Variants in PDK1 observed in about 807,000 individuals in gnomAD.
PDK1 encodes the protein pyruvate dehydrogenase kinase 1, also known as [Pyruvate dehydrogenase (acetyl-transferring)] kinase isozyme 1, mitochondrial.
Under a neutral mutation model 54.2 loss-of-function variants are expected in PDK1, and 39 were observed. The ratio of observed to expected loss-of-function variants is 0.72; its 90% CI spans 0.56 to 0.94. The LOEUF (loss-of-function observed/expected upper bound fraction) is 0.94, where lower values mean the gene tolerates loss of function less well. Ranked by LOEUF, PDK1 falls within the 40% of genes least tolerant of loss-of-function variation. PDK1 has a pLI of 0.00. For missense variants in PDK1, 552 were observed against 566.0 expected, an observed-to-expected ratio of 0.98 and a Z score of 0.25; for synonymous variants, 221 against 207.1, an observed-to-expected ratio of 1.07 and a Z score of -0.58.
At chr2:172,587,041 C>G (rs567021562) in intron 9 of PDK1, among the ~76,000 whole-genome samples, 1 of 152,254 alleles carries the variant, frequency 6.6e-6, no homozygotes, top group African/African-American at 2.4e-5. Context: ...TCTGACATTT[C>G]CAGTAGAGTT....
rs942528226 is a variant in PDK1, at chr2:172,565,746, T to C, written c.691+673T>C. Reference sequence around the variant, plus strand: ...ACCACTTGTACACATACACAATTGATGTTGGTCTTACATTGTTGTTTTTAG... The same window carrying C: ...ACCACTTGTACACATACACAATTGACGTTGGTCTTACATTGTTGTTTTTAG... On this transcript the variant is annotated intron_variant, in intron 5 of 10. Coordinates refer to ENST00000282077, the MANE Select transcript of PDK1 (RefSeq NM_002610.5). Among the ~76,000 whole-genome samples the C allele has an allele frequency of 5.3e-5, 8 of 152,248 alleles. 1 individual carries two copies. Among genetic ancestry groups the C allele is most frequent in the African/African-American group, 1.9e-4 (8 of 41,472 alleles).
chr2:172,556,238 T>C lies in PDK1; in HGVS notation c.88T>C (p.Ser30Pro), dbSNP rs2149169325. ...RAAGFSRSFS[S>P]DSGSSPASER... ...CGCCGGCTTCAGCCGCAGCTTCAGC[T>C]CGGACTCGGGCTCCAGCCCGGCGTC... Residue 30 changes from serine (S) to proline (P), a missense_variant, in exon 1 of 11, where the codon TCG (serine) becomes CCG (proline). Coordinates refer to ENST00000282077, the MANE Select transcript of PDK1 (RefSeq NM_002610.5). 1 of 1,460,000 alleles carries C rather than the reference T, an allele frequency of 6.8e-7. No individual in the cohort carries two copies. Among genetic ancestry groups the C allele is most frequent in the Non-Finnish European group, 9.0e-7 (1 of 1,112,734 alleles). The allele number at this position is 1,460,000 out of a possible 1,614,324, so 90.4% of individuals were successfully genotyped here.
chr2:172,671,982 T>C, the PDK1 span, among the ~76,000 whole-genome samples: 1 of 152,196 alleles, frequency 6.6e-6, no homozygotes, highest in Non-Finnish European at 1.5e-5. Flanking sequence ...GAAAGTCAGC[T>C]GCCGTTTTTC....
At chr2:172,655,348 T>C in the PDK1 span, among the ~76,000 whole-genome samples, 1 of 56,922 alleles carries the variant, frequency 1.8e-5, no homozygotes, top group South Asian at 4.1e-4. Context: ...GAACAAATCG[T>C]GGTTTTTATC....
chr2:172,556,118 G>A lies in PDK1; in HGVS notation c.-33G>A, dbSNP rs777293458. 89 of 1,363,372 alleles carry A rather than the reference G, an allele frequency of 6.5e-5. 1 individual carries two copies. The highest frequency in any genetic ancestry group is 5.1e-4 in the South Asian group (30 of 58,802). 84.5% of individuals were successfully genotyped at this position (1,363,372 alleles called of 1,614,324 possible). ...CGGCAGAGGCGCGGGGAAACCTGGCGTACTGGCTGTGGCTTCTCTAGCGGG... is the reference window on the plus strand; with the variant it reads ...CGGCAGAGGCGCGGGGAAACCTGGCATACTGGCTGTGGCTTCTCTAGCGGG... On this transcript the variant is annotated 5_prime_UTR_variant, in exon 1 of 11. Coordinates refer to ENST00000282077, the MANE Select transcript of PDK1 (RefSeq NM_002610.5).
At chr2:172,689,606 A>G in the PDK1 span, among the ~76,000 whole-genome samples, 1 of 152,210 alleles carries the variant, frequency 6.6e-6, no homozygotes, top group Non-Finnish European at 1.5e-5. Context: ...ACTACACTAC[A>G]AGGCCACAGT....
intron 6 of PDK1, 40 bp downstream of exon 6, chr2:172,566,973 T>C (rs1347103815): frequency 1.6e-6 from 2 of 1,287,294 alleles, no homozygotes; most frequent in Non-Finnish European, 2.2e-6. Context: ...ATTAGTGCTT[T>C]GATTACTTGA....
In PDK1 at chr2:172,604,087, G is replaced by A. The variant is rs547334003; in HGVS notation, c.*8118G>A. 1.3e-5 allele frequency: 2 copies of A among 151,942 alleles called. No individual in the cohort carries two copies. The highest frequency in any genetic ancestry group is 4.8e-5 in the African/African-American group (2 of 41,366). 9.4% of individuals were successfully genotyped at this position (151,942 alleles called of 1,614,324 possible). A position where few individuals can be genotyped will look rare whatever the true frequency, so the allele number is the denominator to read the frequency against. ...ATGAACATGGCGTATATCTTTTTTG[G>A]CGGGGGGTGAGGACAGAGTCTTGCT... On this transcript the variant is annotated 3_prime_UTR_variant, in exon 11 of 11. Transcript: ENST00000282077.
the PDK1 span, among the ~76,000 whole-genome samples, chr2:172,717,249 T>C: frequency 1.3e-5 from 2 of 152,166 alleles, no homozygotes; most frequent in Non-Finnish European, 2.9e-5. Context: ...CCTGTGTGCA[T>C]GTGAGTGAAG....
chr2:172,637,770 A>T, the PDK1 span, among the ~76,000 whole-genome samples: 1 of 152,076 alleles, frequency 6.6e-6, no homozygotes, highest in Non-Finnish European at 1.5e-5. Context: ...ATCTTGGCTC[A>T]CTGCAACCTC....
At chr2:172,568,400 G>T (rs1021516961) in intron 6 of PDK1, among the ~76,000 whole-genome samples, 13 of 148,088 alleles carry the variant, frequency 8.8e-5, no homozygotes, top group Non-Finnish European at 1.5e-4. Flanking sequence ...GGAATTTAAA[G>T]ATTTTAACAC....
At chr2:172,614,147 T>C in the PDK1 span, among the ~76,000 whole-genome samples, 2 of 149,274 alleles carry the variant, frequency 1.3e-5, no homozygotes, top group African/African-American at 5.0e-5. Context: ...CTCTGCAGCC[T>C]GTGCCCTCAG....
chr2:172,700,285 G>A, the PDK1 span, among the ~76,000 whole-genome samples: 1 of 151,998 alleles, frequency 6.6e-6, no homozygotes, highest in Non-Finnish European at 1.5e-5. Context: ...CCTCCCAGAC[G>A]GGGTGGCGGC....
chr2:172,608,368 C>T lies in PDK1; in HGVS notation c.*12399C>T, dbSNP rs1420095660. 6.6e-6 allele frequency: 1 copy of T among 152,090 alleles called. No homozygotes were observed. Among genetic ancestry groups the T allele is most frequent in the Non-Finnish European group, 1.5e-5 (1 of 68,022 alleles). The allele number at this position is 152,090 out of a possible 1,614,324, so 9.4% of individuals were successfully genotyped here. A position where few individuals can be genotyped will look rare whatever the true frequency, so the allele number is the denominator to read the frequency against. On this transcript the variant is annotated 3_prime_UTR_variant, in exon 11 of 11. Coordinates refer to ENST00000282077, the MANE Select transcript of PDK1 (RefSeq NM_002610.5). ...TTATATAGCTAGTTTACTCTTCCAC[C>T]CCCAAGATTCTGGGGTATTTTGGCT...
At chr2:172,556,709 G>T in intron 1 of PDK1, 1 of 206,774 alleles carries the variant, frequency 4.8e-6, no homozygotes, top group Non-Finnish European at 9.6e-6. Context: ...ATCGCGTTTG[G>T]ATTCCGTGCA....
chr2:172,682,477 A>G, the PDK1 span, among the ~76,000 whole-genome samples: 3 of 152,230 alleles, frequency 2.0e-5, no homozygotes, highest in Admixed American at 2.0e-4. Flanking sequence ...CAGACTGCCA[A>G]AATCCACCCT....
At chr2:172,593,189 AT>A in intron 10 of PDK1, 141 bp downstream of exon 10, 1 of 467,724 alleles carries the variant, frequency 2.1e-6, no homozygotes, top group South Asian at 2.5e-5. Context: ...GATCTCACCC[AT>A]TTTGATAGAT....
the PDK1 span, among the ~76,000 whole-genome samples, chr2:172,683,338 C>T: frequency 1.3e-5 from 1 of 78,952 alleles, no homozygotes; most frequent in Non-Finnish European, 2.5e-5. Flanking sequence ...CAGAGCGAAA[C>T]TCCGTCAAAA....
the PDK1 span, among the ~76,000 whole-genome samples, chr2:172,668,810 A>ATT: frequency 6.8e-6 from 1 of 147,108 alleles, no homozygotes; most frequent in African/African-American, 2.5e-5. Context: ...ATATATATAC[A>ATT]TTATATATAT....
Sources: gnomAD v4.1 joint callset for allele counts (sites outside exome capture counted in the v4.1 genomes callset) on GRCh38, gnomAD v4.1.1 for gene constraint, MANE v1.5 for transcripts, NCBI Gene and HGNC (gene_info 2026-07-23, HGNC 2026-07-21) for gene names.